STAU2: variants seen among roughly 807,000 people sequenced by gnomAD.
STAU2 encodes staufen double-stranded RNA binding protein 2, also known as double-stranded RNA-binding protein Staufen homolog 2.
In STAU2, 20 loss-of-function variants were observed where a neutral mutation model predicts 65.9. That is an observed-to-expected ratio of 0.30 (90% CI 0.21 to 0.44). STAU2 has a LOEUF of 0.44. Ranked by LOEUF, STAU2 falls within the 20% of genes least tolerant of loss-of-function variation. The pLI, the probability that STAU2 is intolerant of heterozygous loss-of-function variation, is 1.00. For missense variants in STAU2, 558 were observed against 683.9 expected (o/e 0.82, Z 2.05); for synonymous variants, 232 against 233.9 (o/e 0.99, Z 0.07).
chr8:73,568,696 T>C (rs1190985008), intron 12 of STAU2, among the ~76,000 whole-genome samples: 1 of 152,170 alleles, frequency 6.6e-6, no homozygotes, highest in African/African-American at 2.4e-5. Flanking sequence ...ACCAAATTCA[T>C]AATCTTAGTA....
intron 10 of STAU2, among the ~76,000 whole-genome samples, chr8:73,598,656 T>C (rs892811758): frequency 3.9e-5 from 6 of 152,154 alleles, no homozygotes; most frequent in Admixed American, 2.0e-4. Context: ...TTATTACTAC[T>C]GTTTAACAGT....
At chr8:73,718,620 G>T (rs185555867) in intron 3 of STAU2, among the ~76,000 whole-genome samples, 1 of 152,258 alleles carries the variant, frequency 6.6e-6, no homozygotes, top group Admixed American at 6.5e-5. Flanking sequence ...TTGGTTTTGG[G>T]GTTACAAATA....
intron 13 of STAU2, among the ~76,000 whole-genome samples, chr8:73,485,461 A>G (rs935940994): frequency 2.6e-5 from 4 of 152,070 alleles, no homozygotes; most frequent in African/African-American, 9.7e-5. Flanking sequence ...AAAAGTGCCA[A>G]GTGCAAGTAG....
chr8:73,436,656 G>A lies in STAU2; in HGVS notation c.1531-13954C>T, dbSNP rs193134156. On this transcript the variant is annotated intron_variant, in intron 13 of 14. Transcript: ENST00000524300. ...GGCTGGAGTGCAGTGGCGCGATCTC[G>A]GCTCACTGCAACCTCCACCTCCTGG... 5.6e-4 allele frequency among the ~76,000 whole-genome samples: 84 copies of A among 151,106 alleles called. No homozygotes were observed. In the East Asian group the frequency reaches 0.012, roughly 21 times the overall value.
At chr8:73,708,365 T>C (rs1394177750) in intron 4 of STAU2, among the ~76,000 whole-genome samples, 1 of 152,188 alleles carries the variant, frequency 6.6e-6, no homozygotes, top group East Asian at 1.9e-4. Context: ...TAGAAAATTA[T>C]GCACAACTAA....
intron 13 of STAU2, among the ~76,000 whole-genome samples, chr8:73,536,588 G>A (rs1806199617): frequency 6.6e-6 from 1 of 152,094 alleles, no homozygotes. Context: ...GCCAAATGGG[G>A]AGTTAGGATT....
In STAU2 at chr8:73,438,657, G is replaced by T. The variant is rs114331390; in HGVS notation, c.1531-15955C>A. ...CGGGCTCAAAACAGGAAGGAATCTT[G>T]TGTCCAGCGAGGGCAAGCTAGATGC... is the stretch of plus-strand genomic sequence containing the variant. On this transcript the variant is annotated intron_variant, in intron 13 of 14. Coordinates refer to ENST00000524300, the MANE Select transcript of STAU2 (RefSeq NM_001164380.2). Among the ~76,000 whole-genome samples, 351 of 152,346 alleles carry T rather than the reference G, an allele frequency of 2.3e-3. 3 individuals are homozygous for T. Among genetic ancestry groups the T allele is most frequent in the African/African-American group, 8.2e-3 (343 of 41,586 alleles).
chr8:73,483,769 T>C (rs1820766325), intron 13 of STAU2, among the ~76,000 whole-genome samples: 1 of 152,078 alleles, frequency 6.6e-6, no homozygotes, highest in Non-Finnish European at 1.5e-5. Flanking sequence ...CCATTAAGGC[T>C]CCAGGCCAGG....
intron 13 of STAU2, among the ~76,000 whole-genome samples, chr8:73,507,620 C>A (rs1483550991): frequency 6.6e-6 from 1 of 152,178 alleles, no homozygotes; most frequent in South Asian, 2.1e-4. Context: ...AACTTGAAGT[C>A]ATCAGGTGCC....
intron 11 of STAU2, among the ~76,000 whole-genome samples, chr8:73,593,792 A>G (rs1293868118): frequency 6.6e-6 from 1 of 152,024 alleles, no homozygotes; most frequent in African/African-American, 2.4e-5. Context: ...CCATCCTGTC[A>G]GGCTGTCCCA....
chr8:73,647,661 C>T (rs1472794298), intron 6 of STAU2, among the ~76,000 whole-genome samples: 3 of 151,420 alleles, frequency 2.0e-5, no homozygotes, highest in African/African-American at 7.3e-5. Flanking sequence ...TCGTAGTAGC[C>T]TCAAATTCCT....
chr8:73,698,465 T>C (rs1819836383), intron 4 of STAU2, among the ~76,000 whole-genome samples: 2 of 151,934 alleles, frequency 1.3e-5, no homozygotes, highest in Admixed American at 6.6e-5. Context: ...ACATATTCCA[T>C]GGCAACGGAA....
intron 13 of STAU2, among the ~76,000 whole-genome samples, chr8:73,524,810 T>C (rs1823258161): frequency 6.6e-6 from 1 of 152,244 alleles, no homozygotes; most frequent in African/African-American, 2.4e-5. Flanking sequence ...AATGTTTCCC[T>C]ATTTACTAGC....
At chr8:73,665,385 G>A (rs1375232042) in intron 6 of STAU2, among the ~76,000 whole-genome samples, 1 of 152,218 alleles carries the variant, frequency 6.6e-6, no homozygotes, top group Non-Finnish European at 1.5e-5. Context: ...AAGGGATGTA[G>A]TATACAAAAG....
chr8:73,692,931 G>T (rs1335712344), intron 4 of STAU2, among the ~76,000 whole-genome samples: 3 of 152,068 alleles, frequency 2.0e-5, no homozygotes, highest in Non-Finnish European at 4.4e-5. Context: ...AGGCCAAGGT[G>T]GGAGGATCAC....
chr8:73,528,929 C>G (rs7016517), intron 13 of STAU2, among the ~76,000 whole-genome samples: 1,724 of 152,076 alleles, frequency 0.011, 33 homozygotes, highest in African/African-American at 0.039. Context: ...AATATGAGCC[C>G]TAGTCTAATG....
At chr8:73,672,545 C>A (rs1023063285) in intron 6 of STAU2, 2 of 152,016 alleles carry the variant, frequency 1.3e-5, no homozygotes, top group Non-Finnish European at 2.9e-5. Flanking sequence ...GTCTATCATA[C>A]CTTCATAAAG....
intron 6 of STAU2, among the ~76,000 whole-genome samples, chr8:73,622,108 C>T (rs1813292932): frequency 6.9e-6 from 1 of 144,118 alleles, no homozygotes; most frequent in Admixed American, 6.9e-5. Context: ...AGGCGCCCGC[C>T]ACCATGCCCA....
At chr8:73,718,221 A>T (rs1821390067) in intron 3 of STAU2, among the ~76,000 whole-genome samples, 1 of 152,180 alleles carries the variant, frequency 6.6e-6, no homozygotes, top group East Asian at 1.9e-4. Flanking sequence ...TTACTGATTC[A>T]TTAACATTGA....
Sources: gnomAD v4.1 joint callset for allele counts (sites outside exome capture counted in the v4.1 genomes callset) on GRCh38, gnomAD v4.1.1 for gene constraint, MANE v1.5 for transcripts, NCBI Gene and HGNC (gene_info 2026-07-23, HGNC 2026-07-21) for gene names.